The following GAB2 variants were observed in gnomAD, a reference collection of about 807,000 sequenced individuals.
GAB2 encodes the protein GRB2 associated binding protein 2, also known as GRB2-associated-binding protein 2.
GAB2 carries 26 observed loss-of-function variants against 65.5 expected under a neutral mutation model. That is an observed-to-expected ratio of 0.40 (90% CI 0.29 to 0.55). The LOEUF (loss-of-function observed/expected upper bound fraction) is 0.55, where lower values mean the gene tolerates loss of function less well. GAB2 is among the 20% of genes least tolerant of loss of function. GAB2 has a pLI of 0.53. For missense variants in GAB2, 884 were observed against 875.8 expected, an observed-to-expected ratio of 1.01 and a Z score of -0.12; for synonymous variants, 321 against 329.6, an observed-to-expected ratio of 0.97 and a Z score of 0.28.
intron 3 of GAB2, among the ~76,000 whole-genome samples, chr11:78,233,987 T>C (rs775110814): frequency 3.4e-4 from 51 of 152,176 alleles, no homozygotes; most frequent in Non-Finnish European, 6.3e-4. Context: ...AAAACTACAG[T>C]TTTTTCTCTT....
intron 1 of GAB2, among the ~76,000 whole-genome samples, chr11:78,301,299 T>C (rs1867010817): frequency 1.3e-5 from 2 of 151,906 alleles, no homozygotes; most frequent in East Asian, 1.9e-4. Context: ...ATAATAATTA[T>C]ACATATTCAT....
chr11:78,305,514 T>C (rs1401405819), intron 1 of GAB2, among the ~76,000 whole-genome samples: 1 of 152,164 alleles, frequency 6.6e-6, no homozygotes, highest in Non-Finnish European at 1.5e-5. Context: ...CCAGCCTTCT[T>C]TGTAACTTTA....
At chr11:78,228,272 C>T (rs907242252) in intron 3 of GAB2, among the ~76,000 whole-genome samples, 11 of 152,166 alleles carry the variant, frequency 7.2e-5, no homozygotes, top group Non-Finnish European at 1.3e-4. Context: ...TCTGAGCAAG[C>T]AGGGATTTAG....
At chr11:78,243,949 A>G (rs532569431) in intron 3 of GAB2, among the ~76,000 whole-genome samples, 57 of 152,360 alleles carry the variant, frequency 3.7e-4, no homozygotes, top group Non-Finnish European at 6.3e-4. Flanking sequence ...ACCAAGATTG[A>G]ACCCAAAAGA....
At chr11:78,268,369 G>A (rs969140464) in intron 2 of GAB2, among the ~76,000 whole-genome samples, 16 of 152,108 alleles carry the variant, frequency 1.1e-4, no homozygotes, top group African/African-American at 3.4e-4. Context: ...TGAATCCTAC[G>A]TAGCGCTACA....
intron 1 of GAB2, among the ~76,000 whole-genome samples, chr11:78,296,484 T>G (rs1866832076): frequency 6.6e-6 from 1 of 152,196 alleles, no homozygotes; most frequent in African/African-American, 2.4e-5. Flanking sequence ...ATTACAGCCT[T>G]CTTGTGTTTA....
chr11:78,280,822 T>A lies in GAB2; in HGVS notation c.155A>T (p.Asp52Val). The A allele has an allele frequency of 4.3e-6, 7 of 1,614,040 alleles. No homozygotes were observed. Among genetic ancestry groups the A allele is most frequent in the South Asian group, 3.3e-5 (3 of 91,080 alleles). Residue 52 changes from aspartate to valine, a missense_variant, in exon 2 of 10, where the codon GAT becomes GTT. By Grantham distance (152) the Asp-to-Val change is radical (BLOSUM62 -3). Transcript: ENST00000361507. Reference sequence around the variant, plus strand: ...GATCCGCAGAGGCTTCTTGGAGTGATCGTTCTTGTAGTATTCCAGAACATC... The same window carrying A: ...GATCCGCAGAGGCTTCTTGGAGTGAACGTTCTTGTAGTATTCCAGAACATC... ...DPDVLEYYKN[D>V]HSKKPLRIIN...
At chr11:78,283,075 C>A (rs1866375264) in intron 1 of GAB2, among the ~76,000 whole-genome samples, 1 of 152,210 alleles carries the variant, frequency 6.6e-6, no homozygotes, top group African/African-American at 2.4e-5. Flanking sequence ...TGTTGCCCAA[C>A]AATCCTACTA....
chr11:78,343,490 T>A (rs755084220), intron 1 of GAB2, among the ~76,000 whole-genome samples: 2 of 151,902 alleles, frequency 1.3e-5, no homozygotes, highest in Admixed American at 6.6e-5. Flanking sequence ...AGACTAGAAA[T>A]TTTTAACTAT....
chr11:78,337,496 T>G (rs1856021758), intron 1 of GAB2, among the ~76,000 whole-genome samples: 1 of 152,100 alleles, frequency 6.6e-6, no homozygotes, highest in South Asian at 2.1e-4. Flanking sequence ...GAATGATATG[T>G]TTTCTCCCCT....
chr11:78,344,707 A>AG (rs1856152299), intron 1 of GAB2, among the ~76,000 whole-genome samples: 1 of 152,244 alleles, frequency 6.6e-6, no homozygotes, highest in South Asian at 2.1e-4. Flanking sequence ...CACTTCTAAG[A>AG]GAAAAAAAAA....
At chr11:78,292,197 C>G (rs1178886338) in intron 1 of GAB2, among the ~76,000 whole-genome samples, 1 of 152,216 alleles carries the variant, frequency 6.6e-6, no homozygotes, top group Non-Finnish European at 1.5e-5. Context: ...AACCTCACTT[C>G]ATAGGATTCT....
chr11:78,250,267 G>C lies in GAB2; in HGVS notation c.510C>G (p.Phe170Leu). 1 of 1,613,650 alleles carries C rather than the reference G, an allele frequency of 6.2e-7. No homozygotes were observed. The change falls in exon 3 of 10, where the codon TTC (phenylalanine) becomes TTG (leucine). Residue 170 changes from phenylalanine (F) to leucine (L), a missense_variant. Physicochemically the swap from Phe to Leu is conservative, Grantham distance 22. Transcript: ENST00000361507. ...GGTTTGACACAGGGGGTTCAAACGTGAACAGAGTTGGCTGGCTGGAGTGTG... is the reference window on the plus strand; with the variant it reads ...GGTTTGACACAGGGGGTTCAAACGTCAACAGAGTTGGCTGGCTGGAGTGTG... ...APSHSSQPTL[F>L]TFEPPVSNHM...
intron 1 of GAB2, among the ~76,000 whole-genome samples, chr11:78,362,403 GTAGT>G (rs1260837443): frequency 2.0e-5 from 3 of 151,910 alleles, no homozygotes; most frequent in South Asian, 4.1e-4. Context: ...TTCTAATGAA[GTAGT>G]TAGAGTGTAA....
intron 4 of GAB2, 71 bp from the exon 5 acceptor site, chr11:78,225,273 C>T: frequency 1.0e-6 from 1 of 1,003,508 alleles, no homozygotes; most frequent in Non-Finnish European, 1.6e-6. Flanking sequence ...ATACCCTCAC[C>T]AGTGTGGTTC....
At chr11:78,404,958 A>G (rs1459983213) in intron 1 of GAB2, among the ~76,000 whole-genome samples, 1 of 152,236 alleles carries the variant, frequency 6.6e-6, no homozygotes, top group Non-Finnish European at 1.5e-5. Context: ...GAGTATCCTA[A>G]GCACACATTA....
rs185979099 is a variant in GAB2, at chr11:78,358,989, C to T, written c.75+58657G>A. Among the ~76,000 whole-genome samples, 928 of 152,172 alleles carry T rather than the reference C, an allele frequency of 6.1e-3. 8 individuals carry two copies. Among genetic ancestry groups the T allele is most frequent in the African/African-American group, 0.021 (885 of 41,512 alleles). The stretch of plus-strand genomic sequence containing the variant: ...TGAAAAAGTCCATGGTCAAGTTAAA[C>T]AGATTAAATAGAGCTAAAGAGTTAG... On this transcript the variant is annotated intron_variant, in intron 1 of 9. Coordinates refer to ENST00000361507, the MANE Select transcript of GAB2 (RefSeq NM_080491.3).
rs77246580 is a variant in GAB2 at position 78,254,336 on chromosome 11, C to T, written c.377-3936G>A. On this transcript the variant is annotated intron_variant, in intron 2 of 9. Coordinates refer to ENST00000361507, the MANE Select transcript of GAB2 (RefSeq NM_080491.3). ...AAAAATAAAAGAATTTTCCCTGGCG[C>T]AAAAATCCAAATATGTGTGTTTCTT... Among the ~76,000 whole-genome samples, 66 of 152,164 alleles carry T rather than the reference C, an allele frequency of 4.3e-4. 1 individual carries two copies. In the East Asian group the frequency reaches 0.012, roughly 28 times the overall value.
chr11:78,305,800 G>C (rs754337214), intron 1 of GAB2, among the ~76,000 whole-genome samples: 4 of 152,170 alleles, frequency 2.6e-5, no homozygotes, highest in Non-Finnish European at 5.9e-5. Context: ...GCATTCCCAA[G>C]GTCTCAGTTT....
Sources: allele counts gnomAD v4.1 joint callset (sites outside exome capture counted in the v4.1 genomes callset), GRCh38; gene constraint gnomAD v4.1.1; transcripts MANE v1.5; gene names NCBI Gene and HGNC (gene_info 2026-07-23, HGNC 2026-07-21).